LINGO2: variants seen among roughly 807,000 people sequenced by gnomAD.
LINGO2 encodes the protein leucine rich repeat and Ig domain containing 2.
LINGO2 carries 14 observed loss-of-function variants against 30.6 expected under a neutral mutation model. The observed-to-expected ratio is 0.46, with a 90% CI of 0.30 to 0.72. The LOEUF is 0.72. Ranked by LOEUF, LINGO2 falls within the 30% of genes least tolerant of loss-of-function variation. The probability of loss-of-function intolerance (pLI) is 0.07; values close to 1 mark genes in which losing one functional copy is unlikely to be tolerated. For synonymous variants in LINGO2, 317 were observed against 288.5 expected, an observed-to-expected ratio of 1.10 and a Z score of -1.00; for missense variants, 729 against 751.7, an observed-to-expected ratio of 0.97 and a Z score of 0.35.
rs1009076124 is a variant in LINGO2, at chr9:28,668,019, C to T, written c.-365+2181G>A. Reference sequence around the variant, plus strand: ...TGACTCTTTGGACAACATAAAATGTCTCTGCTATATTCACAATTTTTCTAG... The same window carrying T: ...TGACTCTTTGGACAACATAAAATGTTTCTGCTATATTCACAATTTTTCTAG... On this transcript the variant is annotated intron_variant, in intron 1 of 5. Transcript: ENST00000379992. Among the ~76,000 whole-genome samples, 10 of 152,200 alleles carry T rather than the reference C, an allele frequency of 6.6e-5. No homozygotes were observed. The South Asian group carries it at 1.7e-3, about 25-fold the overall frequency.
chr9:28,397,156 T>C (rs1822079352), intron 2 of LINGO2, among the ~76,000 whole-genome samples: 1 of 152,066 alleles, frequency 6.6e-6, no homozygotes, highest in African/African-American at 2.4e-5. Context: ...TTCTATCACT[T>C]GGCATGTAAT....
intron 5 of LINGO2, among the ~76,000 whole-genome samples, chr9:27,964,513 A>G (rs1385855466): frequency 6.6e-6 from 1 of 152,114 alleles, no homozygotes; most frequent in Admixed American, 6.6e-5. Context: ...AGCTGTTAAT[A>G]TGATTTAATG....
intron 4 of LINGO2, among the ~76,000 whole-genome samples, chr9:28,015,595 T>C (rs906376134): frequency 6.6e-6 from 1 of 152,162 alleles, no homozygotes; most frequent in Non-Finnish European, 1.5e-5. Context: ...TCAAAGCAAT[T>C]ATTACATTAG....
At chr9:28,351,058 A>T (rs1320014976) in intron 3 of LINGO2, among the ~76,000 whole-genome samples, 3 of 152,136 alleles carry the variant, frequency 2.0e-5, no homozygotes, top group Non-Finnish European at 2.9e-5. Flanking sequence ...GAAAGATCCA[A>T]AATTGGCACC....
At chr9:29,020,907 A>T in the LINGO2 span, among the ~76,000 whole-genome samples, 1 of 152,184 alleles carries the variant, frequency 6.6e-6, no homozygotes. Flanking sequence ...AGGCATTTTT[A>T]AAATTAAATT....
Position 28,613,552 on chromosome 9 carries a change from G to A in LINGO2, c.-365+56648C>T, listed in dbSNP as rs148288585. ...ATACTGATATGTAGAAATGTCAGGA[G>A]ATTGTATTTTAATATAAATATGTCA... On this transcript the variant is annotated intron_variant, in intron 1 of 5. Coordinates refer to ENST00000379992, the Ensembl canonical transcript of LINGO2. Among the ~76,000 whole-genome samples the A allele has an allele frequency of 3.4e-3, 518 of 152,120 alleles. 4 individuals carry two copies. The highest frequency in any genetic ancestry group is 5.4e-3 in the Non-Finnish European group (366 of 67,982).
chr9:28,304,951 T>G (rs1050251970), intron 3 of LINGO2, among the ~76,000 whole-genome samples: 1 of 152,030 alleles, frequency 6.6e-6, no homozygotes, highest in African/African-American at 2.4e-5. Flanking sequence ...AGAAAATACT[T>G]TAATTCTATT....
intron 2 of LINGO2, among the ~76,000 whole-genome samples, chr9:28,443,756 G>A (rs555718326): frequency 6.8e-4 from 104 of 152,276 alleles, no homozygotes; most frequent in Middle Eastern, 3.4e-3. Context: ...GCCTGTGGGC[G>A]GCCCTCAGCA....
At chr9:28,874,223 G>C in the LINGO2 span, among the ~76,000 whole-genome samples, 1 of 151,818 alleles carries the variant, frequency 6.6e-6, no homozygotes, top group African/African-American at 2.4e-5. Flanking sequence ...CCAATATTTG[G>C]ACCAGTTCAC....
chr9:28,011,206 A>G (rs1390836402), intron 5 of LINGO2, among the ~76,000 whole-genome samples: 1 of 152,210 alleles, frequency 6.6e-6, no homozygotes, highest in Non-Finnish European at 1.5e-5. Flanking sequence ...GCAGTAAGGA[A>G]CGAAGGCTGA....
At chr9:29,011,273 T>C in the LINGO2 span, among the ~76,000 whole-genome samples, 2 of 152,200 alleles carry the variant, frequency 1.3e-5, no homozygotes, top group Admixed American at 1.3e-4. Flanking sequence ...CATCTGAATG[T>C]AGGCACCATT....
At chr9:29,011,183 A>G in the LINGO2 span, among the ~76,000 whole-genome samples, 7 of 152,326 alleles carry the variant, frequency 4.6e-5, no homozygotes, top group African/African-American at 1.7e-4. Flanking sequence ...CTGTACATAT[A>G]TAAAAATTAA....
chr9:28,328,132 G>C (rs976880002), intron 3 of LINGO2, among the ~76,000 whole-genome samples: 3 of 152,156 alleles, frequency 2.0e-5, no homozygotes, highest in East Asian at 1.9e-4. Flanking sequence ...ATTGTATCCA[G>C]AGGAAATCAC....
chr9:28,814,315 T>C, the LINGO2 span, among the ~76,000 whole-genome samples: 2 of 152,122 alleles, frequency 1.3e-5, no homozygotes, highest in Non-Finnish European at 2.9e-5. Context: ...TGCACGCCTG[T>C]AGTCCCAGCC....
chr9:28,316,340 C>A (rs554825005), intron 3 of LINGO2, among the ~76,000 whole-genome samples: 1 of 151,916 alleles, frequency 6.6e-6, no homozygotes, highest in East Asian at 1.9e-4. Flanking sequence ...TGAAGACAAA[C>A]AGATAAGGCA....
chr9:28,961,505 A>G, the LINGO2 span, among the ~76,000 whole-genome samples: 4 of 152,158 alleles, frequency 2.6e-5, no homozygotes, highest in Non-Finnish European at 1.5e-5. Flanking sequence ...TCAGGAGAAG[A>G]TAGGATATGC....
At chr9:28,936,083 G>A in the LINGO2 span, among the ~76,000 whole-genome samples, 2 of 152,076 alleles carry the variant, frequency 1.3e-5, no homozygotes, top group African/African-American at 4.8e-5. Flanking sequence ...AATTTATTTT[G>A]TGGGCCAATA....
At position 28,037,708 on chromosome 9, in the gene LINGO2, T is replaced by C. The variant is rs543898522; in HGVS notation, c.-86-25303A>G. On this transcript the variant is annotated intron_variant, in intron 4 of 5. Transcript: ENST00000379992. ...TTGCCATGGAAGGGACTCAATGAAC[T>C]ACCAATAAATTAGCGAATGAATGAA... Among the ~76,000 whole-genome samples the C allele has an allele frequency of 5.9e-5, 9 of 152,396 alleles. No homozygotes were observed. In the East Asian group the frequency reaches 1.7e-3, roughly 29 times the overall value.
intron 5 of LINGO2, among the ~76,000 whole-genome samples, chr9:27,971,836 C>G (rs1015203573): frequency 2.0e-5 from 3 of 152,100 alleles, no homozygotes; most frequent in Non-Finnish European, 4.4e-5. Flanking sequence ...AAAGTGCTGA[C>G]AAAATTTTTC....
Sources: gnomAD v4.1 joint callset for allele counts (sites outside exome capture counted in the v4.1 genomes callset) on GRCh38, gnomAD v4.1.1 for gene constraint, MANE v1.5 for transcripts, NCBI Gene and HGNC (gene_info 2026-07-23, HGNC 2026-07-21) for gene names.